The following SRGAP1 variants were observed in gnomAD, a reference collection of about 807,000 sequenced individuals.
The protein encoded by SRGAP1 is SLIT-ROBO Rho GTPase activating protein 1.
Under a neutral mutation model 121.9 loss-of-function variants are expected in SRGAP1, and 43 were observed. The ratio of observed to expected loss-of-function variants is 0.35; its 90% CI spans 0.28 to 0.46. The LOEUF is 0.46. SRGAP1 is among the 20% of genes least tolerant of loss of function. SRGAP1 has a pLI of 1.00. For synonymous variants in SRGAP1, 447 were observed against 485.4 expected (o/e 0.92, Z 1.04); for missense variants, 1,102 against 1,350.9 (o/e 0.82, Z 2.89).
intron 2 of SRGAP1, among the ~76,000 whole-genome samples, chr12:63,987,450 C>G (rs116837100): frequency 2.0e-5 from 3 of 152,042 alleles, no homozygotes; most frequent in Non-Finnish European, 4.4e-5. Context: ...GGGTCGGGTG[C>G]GGTGGCTCAC....
chr12:64,095,930 T>G (rs2036146990), intron 14 of SRGAP1, among the ~76,000 whole-genome samples: 1 of 152,164 alleles, frequency 6.6e-6, no homozygotes, highest in Non-Finnish European at 1.5e-5. Flanking sequence ...CACACTTTCG[T>G]GTCAGGCAGA....
Position 64,016,869 on chromosome 12 carries a change from A to G in SRGAP1, c.427-81A>G, listed in dbSNP as rs79537701. On this transcript the variant is annotated intron_variant, in intron 3 of 21. Transcript: ENST00000355086. ...GCTTGCTGTCTTTCTGTCGTGTTAG[A>G]TACATTCCTCTATTTTCAGTTAGTG... 8.8e-3 allele frequency: 6,689 copies of G among 759,880 alleles called. 331 individuals carry two copies. In the African/African-American group the frequency reaches 0.1, roughly 12 times the overall value. The allele number at this position is 759,880 out of a possible 1,614,324, so 47.1% of individuals were successfully genotyped here.
In SRGAP1 at chr12:64,151,736, G is replaced by A. The variant is rs572606295; in HGVS notation, c.*9064G>A. On this transcript the variant is annotated 3_prime_UTR_variant, in exon 22 of 22. Transcript: ENST00000355086. ...TAATGTGCACACCCACATTTCCAGA[G>A]TACAAATCTCTATTTCACTCACCTC... 2.9e-3 allele frequency: 435 copies of A among 152,214 alleles called. 4 individuals are homozygous for A. The highest frequency in any genetic ancestry group is 9.9e-3 in the African/African-American group (411 of 41,522). 9.4% of individuals were successfully genotyped at this position (152,214 alleles called of 1,614,324 possible). A position where few individuals can be genotyped will look rare whatever the true frequency, so the allele number is the denominator to read the frequency against.
At position 64,080,387 on chromosome 12, in the gene SRGAP1, G is replaced by A. The variant is rs371945573; in HGVS notation, c.1408+17G>A. 2.6e-5 allele frequency: 41 copies of A among 1,585,222 alleles called. No homozygotes were observed. The African/African-American group carries it at 3.6e-4, about 14-fold the overall frequency. On this transcript the variant is annotated intron_variant, in intron 10 of 21. Transcript: ENST00000355086. ...TGGGAGAAGGTGAGTTATCCAAAAT[G>A]TATGGGAAGATGACCTGGATGATAC...
intron 6 of SRGAP1, among the ~76,000 whole-genome samples, chr12:64,052,994 T>C (rs199665252): frequency 6.6e-6 from 1 of 152,218 alleles, no homozygotes; most frequent in East Asian, 1.9e-4. Flanking sequence ...TTTAGACTTA[T>C]TTTATCAGTT....
At chr12:64,033,944 C>CT (rs1565649569) in intron 4 of SRGAP1, among the ~76,000 whole-genome samples, 3 of 151,994 alleles carry the variant, frequency 2.0e-5, no homozygotes, top group African/African-American at 7.2e-5. Context: ...TGCTTGAACC[C>CT]GGTGTGAGGG....
chr12:64,122,600 G>T (rs1285082871), intron 18 of SRGAP1, among the ~76,000 whole-genome samples: 1 of 152,112 alleles, frequency 6.6e-6, no homozygotes, highest in Non-Finnish European at 1.5e-5. Flanking sequence ...CCTGTTGCTT[G>T]TTTCAAAAAA....
chr12:64,131,933 T>G (rs1359126136), intron 21 of SRGAP1, among the ~76,000 whole-genome samples: 1 of 152,156 alleles, frequency 6.6e-6, no homozygotes, highest in Non-Finnish European at 1.5e-5. Flanking sequence ...TCCCAGCACT[T>G]TGGGAAGCCA....
chr12:64,118,263 GT>G (rs1312262798), intron 18 of SRGAP1, among the ~76,000 whole-genome samples: 1 of 152,010 alleles, frequency 6.6e-6, no homozygotes, highest in Non-Finnish European at 1.5e-5. Flanking sequence ...TTATCTTTTT[GT>G]TTTTGTTTTT....
At chr12:64,097,513 CT>C (rs1287389974) in intron 15 of SRGAP1, 138 bp downstream of exon 15, 185 of 954,766 alleles carry the variant, frequency 1.9e-4, no homozygotes, top group Non-Finnish European at 2.2e-4. Flanking sequence ...CATTTGTTTT[CT>C]TTCTGGATCC....
intron 3 of SRGAP1, among the ~76,000 whole-genome samples, chr12:64,000,275 T>TGTGTG (rs1555163998): frequency 3.1e-4 from 41 of 133,344 alleles, no homozygotes; most frequent in African/African-American, 4.6e-4. Flanking sequence ...TGTGTGTGTG[T>TGTGTG]AAAAAAAAAA....
intron 1 of SRGAP1, among the ~76,000 whole-genome samples, chr12:63,878,042 G>A (rs1477591681): frequency 1.3e-5 from 2 of 152,160 alleles, no homozygotes; most frequent in African/African-American, 4.8e-5. Flanking sequence ...CCTTTAAAAA[G>A]CTGACAAAGG....
At chr12:63,965,406 AAATC>A (rs2032762358) in intron 1 of SRGAP1, among the ~76,000 whole-genome samples, 1 of 152,232 alleles carries the variant, frequency 6.6e-6, no homozygotes, top group Admixed American at 6.5e-5. Context: ...TGGTAATAGA[AAATC>A]AAGCATATTT....
In SRGAP1 at chr12:64,150,956, A is replaced by AAAAAAAAAAAAAAC. The variant is rs1373244588; in HGVS notation, c.*8288_*8289insAAAAAAAAACAAAA. On this transcript the variant is annotated 3_prime_UTR_variant, in exon 22 of 22. Coordinates refer to ENST00000355086, the MANE Select transcript of SRGAP1 (RefSeq NM_020762.4). Reference sequence around the variant, plus strand: ...TCTCAAAAAAAAAAAAAAAAAAAAAAAAAACATGGTCAAGATTTGTAATAG... The same window carrying AAAAAAAAAAAAAAC: ...TCTCAAAAAAAAAAAAAAAAAAAAAAAAAAAAAAAAAAACAAAACATGGTCAAGATTTGTAATAG... 6.8e-6 allele frequency: 1 copy of AAAAAAAAAAAAAAC among 147,932 alleles called. No homozygotes were observed. The highest frequency in any genetic ancestry group is 6.7e-5 in the Admixed American group (1 of 14,834). 9.2% of individuals were successfully genotyped at this position (147,932 alleles called of 1,614,324 possible). A position where few individuals can be genotyped will look rare whatever the true frequency, so the allele number is the denominator to read the frequency against.
At chr12:64,102,984 T>C (rs551685857) in intron 15 of SRGAP1, among the ~76,000 whole-genome samples, 4 of 152,132 alleles carry the variant, frequency 2.6e-5, no homozygotes, top group Non-Finnish European at 5.9e-5. Context: ...AATAAAGCTG[T>C]TGTTAAAAAA....
intron 9 of SRGAP1, among the ~76,000 whole-genome samples, chr12:64,080,025 C>T (rs2035808269): frequency 6.6e-6 from 1 of 152,086 alleles, no homozygotes; most frequent in Non-Finnish European, 1.5e-5. Context: ...GGCGGATCAC[C>T]TGAGGTCAAG....
intron 21 of SRGAP1, among the ~76,000 whole-genome samples, chr12:64,134,579 C>T (rs2036832015): frequency 6.6e-6 from 1 of 152,124 alleles, no homozygotes; most frequent in Admixed American, 6.5e-5. Flanking sequence ...TACATTAAAC[C>T]AAGGGAGAGC....
chr12:63,893,432 G>A (rs542836019), intron 1 of SRGAP1, among the ~76,000 whole-genome samples: 1 of 152,308 alleles, frequency 6.6e-6, no homozygotes, highest in East Asian at 1.9e-4. Context: ...AACTCTGCAA[G>A]GTGGCAAGGG....
At chr12:64,136,066 C>CCAG (rs2036851678) in intron 21 of SRGAP1, among the ~76,000 whole-genome samples, 2 of 152,214 alleles carry the variant, frequency 1.3e-5, no homozygotes, top group Non-Finnish European at 2.9e-5. Flanking sequence ...TCGCTGGCAT[C>CCAG]TGATTAGATG....
Sources: allele counts gnomAD v4.1 joint callset (sites outside exome capture counted in the v4.1 genomes callset), GRCh38; gene constraint gnomAD v4.1.1; transcripts MANE v1.5; gene names NCBI Gene and HGNC (gene_info 2026-07-23, HGNC 2026-07-21).